Variants in ACSS1 observed in about 807,000 individuals in gnomAD.
ACSS1 encodes acetyl-coenzyme A synthetase 2-like, mitochondrial.
ACSS1 carries 42 observed loss-of-function variants against 75.3 expected under a neutral mutation model. That is an observed-to-expected ratio of 0.56 (90% confidence interval 0.44 to 0.72). The LOEUF (loss-of-function observed/expected upper bound fraction) is 0.72. Among genes scored for constraint, ACSS1 ranks in the 30% least tolerant of loss-of-function variants. ACSS1 has a pLI of 0.00. For synonymous variants in ACSS1, 380 were observed against 376.8 expected, an observed-to-expected ratio of 1.01 and a Z score of -0.10; for missense variants, 782 against 935.7, an observed-to-expected ratio of 0.84 and a Z score of 2.14.
intron 2 of ACSS1, among the ~76,000 whole-genome samples, chr20:25,031,458 C>T (rs1019353264): frequency 6.6e-6 from 1 of 152,178 alleles, no homozygotes; most frequent in Admixed American, 6.5e-5. Flanking sequence ...CTTTGATGTA[C>T]TTATGCACTA....
intron 1 of ACSS1, among the ~76,000 whole-genome samples, chr20:25,056,740 G>A (rs996428146): frequency 8.5e-5 from 13 of 152,144 alleles, no homozygotes; most frequent in African/African-American, 1.2e-4. Context: ...ATAAAGACCC[G>A]CAGGTCCTTT....
In ACSS1 at chr20:25,007,629, G is replaced by A. The variant is rs2088331827; in HGVS notation, c.*133C>T. On this transcript the variant is annotated 3_prime_UTR_variant, in exon 14 of 14. Transcript: ENST00000323482. The stretch of plus-strand genomic sequence containing the variant: ...GCTCTCAGCCCAGCTTCACGTGAGG[G>A]CGGTGTGGGTCATGTGTGGGGTGGG... The A allele has an allele frequency of 3.3e-6, 5 of 1,509,926 alleles. No individual in the cohort carries two copies. In the Admixed American group the frequency reaches 6.5e-5, roughly 20 times the overall value. The allele number at this position is 1,509,926 out of a possible 1,614,324, so 93.5% of individuals were successfully genotyped here. A position where few individuals can be genotyped will look rare whatever the true frequency, so the allele number is the denominator to read the frequency against.
intron 2 of ACSS1, among the ~76,000 whole-genome samples, chr20:25,032,095 G>C (rs1399762303): frequency 6.6e-6 from 1 of 152,156 alleles, no homozygotes; most frequent in East Asian, 1.9e-4. Flanking sequence ...CCATGGACAA[G>C]GGGAAGGGAA....
At position 25,014,700 on chromosome 20, in the gene ACSS1, C is replaced by A. The variant is rs139641934; in HGVS notation, c.1339+438G>T. The stretch of plus-strand genomic sequence containing the variant: ...AAACAAAATGTCACAGGAAAAATTC[C>A]TTTTCCCACTAAAATTTAAATTTAG... On this transcript the variant is annotated intron_variant, in intron 8 of 13. Transcript: ENST00000323482. Among the ~76,000 whole-genome samples, 18 of 152,336 alleles carry A rather than the reference C, an allele frequency of 1.2e-4. No individual in the cohort carries two copies. The East Asian group carries it at 3.5e-3, about 29-fold the overall frequency.
chr20:25,036,114 T>G (rs1431507915), intron 2 of ACSS1, among the ~76,000 whole-genome samples: 3 of 152,190 alleles, frequency 2.0e-5, no homozygotes, highest in Non-Finnish European at 4.4e-5. Context: ...TACTTTTAAG[T>G]CCAAGAAGAA....
At chr20:25,056,650 G>A (rs1183377561) in intron 1 of ACSS1, among the ~76,000 whole-genome samples, 1 of 152,206 alleles carries the variant, frequency 6.6e-6, no homozygotes, top group African/African-American at 2.4e-5. Context: ...TCACAATGAG[G>A]AGACTGAGGG....
Position 25,015,152 on chromosome 20 carries a change from G to A in ACSS1, c.1325C>T (p.Thr442Ile), listed in dbSNP as rs763946857. The A allele has an allele frequency of 6.2e-7, 1 of 1,611,264 alleles. No homozygotes were observed. The highest frequency in any genetic ancestry group is 8.5e-7 in the Non-Finnish European group (1 of 1,177,894). Residue 442 changes from threonine to isoleucine, a missense_variant, in exon 8 of 14, where the codon ACC (threonine) becomes ATC (isoleucine). By Grantham distance (89) the Thr-to-Ile change is moderately conservative (BLOSUM62 -1). This residue lies in a region of ACSS1 where 405 missense variants were observed against 552.6 expected (regional missense o/e 0.73). Transcript: ENST00000323482. ...VGDSRCTLVD[T>I]WWQTETGGIC... ...GGCCTCCTCACCTGTCTGCCACCAGGTGTCCACCAGCGTGCACCTGCTGTC... is the reference window on the plus strand; with the variant it reads ...GGCCTCCTCACCTGTCTGCCACCAGATGTCCACCAGCGTGCACCTGCTGTC...
In ACSS1 at chr20:25,006,899, C is replaced by G. The variant is rs1335872295; in HGVS notation, c.*863G>C. The stretch of plus-strand genomic sequence containing the variant: ...AGTCACCTGAGTTTCTAATAGCTTC[C>G]CTGAAGAACCCAACTATTTGGAGTA... On this transcript the variant is annotated 3_prime_UTR_variant, in exon 14 of 14. Transcript: ENST00000323482. 6.5e-7 allele frequency: 1 copy of G among 1,535,332 alleles called. No homozygotes were observed. Among genetic ancestry groups the G allele is most frequent in the African/African-American group, 1.4e-5 (1 of 73,016 alleles).
chr20:25,041,611 G>GCC (rs2122727327), intron 2 of ACSS1, among the ~76,000 whole-genome samples: 1 of 152,254 alleles, frequency 6.6e-6, no homozygotes, highest in East Asian at 1.9e-4. Flanking sequence ...CACAAAAGTG[G>GCC]CCCCATTCAC....
chr20:25,027,134 ACT>A (rs1192838552), intron 3 of ACSS1, among the ~76,000 whole-genome samples: 1 of 152,024 alleles, frequency 6.6e-6, no homozygotes, highest in African/African-American at 2.4e-5. Context: ...AGTCACTTAA[ACT>A]CTCTGTGTCT....
chr20:25,018,879 G>C (rs1480408771), intron 7 of ACSS1, among the ~76,000 whole-genome samples: 1 of 152,192 alleles, frequency 6.6e-6, no homozygotes, highest in Non-Finnish European at 1.5e-5. Flanking sequence ...TCTCCATGCT[G>C]AACATTATAC....
At chr20:25,040,590 C>T (rs1288987564) in intron 2 of ACSS1, among the ~76,000 whole-genome samples, 1 of 152,252 alleles carries the variant, frequency 6.6e-6, no homozygotes, top group Admixed American at 6.5e-5. Flanking sequence ...AGTTTCTCTG[C>T]AAAAGAAGCC....
chr20:25,014,926 G>C (rs1261946808), intron 8 of ACSS1, among the ~76,000 whole-genome samples: 6 of 152,230 alleles, frequency 3.9e-5, no homozygotes, highest in Non-Finnish European at 7.3e-5. Context: ...CCGAGCCTCA[G>C]AGAAGTTGTG....
Position 25,007,732 on chromosome 20 carries a change from C to A in ACSS1, c.*30G>T. 6.2e-7 allele frequency: 1 copy of A among 1,609,730 alleles called. No homozygotes were observed. Among genetic ancestry groups the A allele is most frequent in the Non-Finnish European group, 8.5e-7 (1 of 1,177,296 alleles). On this transcript the variant is annotated 3_prime_UTR_variant, in exon 14 of 14. Coordinates refer to ENST00000323482, the MANE Select transcript of ACSS1 (RefSeq NM_032501.4). ...GGACAAGCCAGGGCTTGGGTGCCCG[C>A]CCATCCCAAGAGCCCCACAAGGTGC...
rs374054501 is a variant in ACSS1 at position 25,016,058 on chromosome 20, G to A, written c.1247-828C>T. 1.6e-4 allele frequency among the ~76,000 whole-genome samples: 25 copies of A among 152,326 alleles called. 1 individual carries two copies. The highest frequency in any genetic ancestry group is 6.0e-4 in the African/African-American group (25 of 41,576). ...CACACACATCCCTCAGGAGTAGGTG[G>A]CTAAATACAATATGGCACGCTCCTG... On this transcript the variant is annotated intron_variant, in intron 7 of 13. Coordinates refer to ENST00000323482, the MANE Select transcript of ACSS1 (RefSeq NM_032501.4).
intron 2 of ACSS1, chr20:25,032,341 T>G: frequency 7.6e-7 from 1 of 1,318,274 alleles, no homozygotes. Context: ...CCGGGAAAAC[T>G]GGGAGCAGGC....
chr20:25,027,572 A>G (rs1330278462), intron 3 of ACSS1, among the ~76,000 whole-genome samples: 1 of 152,222 alleles, frequency 6.6e-6, no homozygotes, highest in African/African-American at 2.4e-5. Context: ...ATTTGACAAA[A>G]TCCAACACCC....
chr20:25,042,695 G>A (rs998876549), intron 2 of ACSS1, among the ~76,000 whole-genome samples: 11 of 152,094 alleles, frequency 7.2e-5, no homozygotes, highest in East Asian at 3.9e-4. Context: ...GCTGATGTAC[G>A]TGTCCTCCCA....
At chr20:25,042,059 C>T (rs907101293) in intron 2 of ACSS1, among the ~76,000 whole-genome samples, 8 of 148,936 alleles carry the variant, frequency 5.4e-5, no homozygotes, top group East Asian at 3.9e-4. Context: ...TGCCTGTGGT[C>T]GCCCCAGAGA....
Sources: gnomAD v4.1 joint callset for allele counts (sites outside exome capture counted in the v4.1 genomes callset) on GRCh38, gnomAD v4.1.1 for gene constraint, gnomAD v4.1.1 regional missense constraint, MANE v1.5 for transcripts, NCBI Gene and HGNC (gene_info 2026-07-23, HGNC 2026-07-21) for gene names.